The following ALX1 variants were observed in gnomAD, a reference collection of about 807,000 sequenced individuals.
The protein encoded by ALX1 is ALX homeobox 1.
In ALX1, 19 loss-of-function variants were observed where a neutral mutation model predicts 31.7. That is an observed-to-expected ratio of 0.60 (90% confidence interval 0.42 to 0.88). The LOEUF is 0.88. ALX1 is among the 40% of genes least tolerant of loss of function. The pLI is 0.00. For synonymous variants in ALX1, 153 were observed against 148.8 expected, an observed-to-expected ratio of 1.03 and a Z score of -0.20; for missense variants, 415 against 407.8, an observed-to-expected ratio of 1.02 and a Z score of -0.15.
chr12:85,290,514 C>G (rs1896804474), intron 3 of ALX1, among the ~76,000 whole-genome samples: 1 of 151,064 alleles, frequency 6.6e-6, no homozygotes, highest in Admixed American at 6.6e-5. Context: ...TTGACTGTTT[C>G]AAGATTTTTT....
intron 3 of ALX1, among the ~76,000 whole-genome samples, chr12:85,287,576 A>G (rs1440983065): frequency 3.3e-5 from 5 of 151,480 alleles, no homozygotes; most frequent in Non-Finnish European, 5.9e-5. Flanking sequence ...CAGATGAGTA[A>G]CAGCTTCCCT....
chr12:85,299,758 T>C (rs1012506810), intron 3 of ALX1, among the ~76,000 whole-genome samples: 6 of 151,904 alleles, frequency 3.9e-5, no homozygotes, highest in Admixed American at 6.6e-5. Context: ...TTTTTTGCTC[T>C]TATTTGAAAA....
chr12:85,285,519 A>G (rs1186249910), intron 2 of ALX1, among the ~76,000 whole-genome samples: 1 of 152,018 alleles, frequency 6.6e-6, no homozygotes, highest in Non-Finnish European at 1.5e-5. Flanking sequence ...GCAGTGTACT[A>G]AAACTATAAT....
intron 3 of ALX1, among the ~76,000 whole-genome samples, chr12:85,298,237 C>A (rs1394434536): frequency 6.6e-6 from 1 of 151,712 alleles, no homozygotes; most frequent in Non-Finnish European, 1.5e-5. Context: ...CTTGGGTGAT[C>A]TTCTTCAGCT....
rs1896712180 is a variant in ALX1, at chr12:85,283,764, C to T, written c.419C>T (p.Thr140Ile). The T allele has an allele frequency of 1.2e-6, 2 of 1,614,002 alleles. No individual in the cohort carries two copies. The highest frequency in any genetic ancestry group is 8.5e-7 in the Non-Finnish European group (1 of 1,180,016). The stretch of plus-strand genomic sequence containing the variant: ...AAACGGAGGCACCGAACCACCTTCA[C>T]CAGTTTGCAGCTAGAGGAGCTGGAG... Reference protein sequence around the residue: ...SKKRRHRTTFTSLQLEELEKV... With the variant: ...SKKRRHRTTFISLQLEELEKV... The change falls in exon 2 of 4, where the codon ACC becomes ATC. Residue 140 changes from threonine (T) to isoleucine (I), a missense_variant. Around this residue, in one of 3 missense-constraint regions of ALX1, gnomAD observed 235 missense variants for 208.9 expected, o/e 1.13. Coordinates refer to ENST00000316824, the MANE Select transcript of ALX1 (RefSeq NM_006982.3).
At position 85,280,304 on chromosome 12, in the gene ALX1, A is replaced by C. The variant is rs1210273098; in HGVS notation, c.43A>C (p.Ser15Arg). The change falls in exon 1 of 4, where the codon AGT (serine) becomes CGT (arginine). Residue 15 changes from serine (S) to arginine (R), a missense_variant. Transcript: ENST00000316824. Reference protein sequence around the residue: ...SEKFALKSPPSKNSDFYMGAG... With the variant: ...SEKFALKSPPRKNSDFYMGAG... The stretch of plus-strand genomic sequence containing the variant: ...GAAGTTTGCCCTCAAGAGCCCTCCG[A>C]GTAAAAACAGTGACTTTTACATGGG... The C allele has an allele frequency of 1.2e-6, 2 of 1,613,684 alleles. No individual in the cohort carries two copies. The highest frequency in any genetic ancestry group is 3.3e-5 in the Admixed American group (2 of 60,020).
At chr12:85,287,290 C>T (rs544912365) in intron 3 of ALX1, among the ~76,000 whole-genome samples, 6 of 151,674 alleles carry the variant, frequency 4.0e-5, no homozygotes, top group South Asian at 2.1e-4. Context: ...ATTCTAATTA[C>T]TCAGACTCTC....
At chr12:85,293,191 G>T (rs561420237) in intron 3 of ALX1, among the ~76,000 whole-genome samples, 1 of 149,452 alleles carries the variant, frequency 6.7e-6, no homozygotes, top group Non-Finnish European at 1.5e-5. Context: ...TTTTTGCAGC[G>T]AGTAAATATA....
At position 85,301,740 on chromosome 12, in the gene ALX1, A is replaced by G. The variant is rs920007493; in HGVS notation, c.*265A>G. On this transcript the variant is annotated 3_prime_UTR_variant, in exon 4 of 4. Transcript: ENST00000316824. ...TCTTTTTCTATTGTACAAGTCAATG[A>G]AATATGATCACGCAACTTATTAAAG... is the stretch of plus-strand genomic sequence containing the variant. The G allele has an allele frequency of 2.1e-6, 1 of 473,958 alleles. No individual in the cohort carries two copies. The highest frequency in any genetic ancestry group is 3.7e-6 in the Non-Finnish European group (1 of 268,136). 29.4% of individuals were successfully genotyped at this position (473,958 alleles called of 1,614,324 possible). A position where few individuals can be genotyped will look rare whatever the true frequency, so the allele number is the denominator to read the frequency against.
chr12:85,291,610 A>G (rs935955789), intron 3 of ALX1, among the ~76,000 whole-genome samples: 7 of 151,312 alleles, frequency 4.6e-5, no homozygotes, highest in African/African-American at 1.7e-4. Context: ...TTTGGATTAC[A>G]TGAGCATTGA....
chr12:85,288,455 T>G (rs979197804), intron 3 of ALX1, among the ~76,000 whole-genome samples: 1 of 151,516 alleles, frequency 6.6e-6, no homozygotes, highest in African/African-American at 2.4e-5. Context: ...GTTTGCCAAA[T>G]ATTTTTGAGT....
intron 1 of ALX1, among the ~76,000 whole-genome samples, chr12:85,282,336 T>A (rs930010821): frequency 3.3e-5 from 5 of 152,142 alleles, no homozygotes; most frequent in African/African-American, 1.2e-4. Context: ...AATGATTAAA[T>A]TACGTTAATT....
At chr12:85,290,765 A>G (rs1896807897) in intron 3 of ALX1, among the ~76,000 whole-genome samples, 1 of 150,990 alleles carries the variant, frequency 6.6e-6, no homozygotes, top group Non-Finnish European at 1.5e-5. Context: ...GCTTGGGATG[A>G]ATTTGTTTCC....
intron 1 of ALX1, among the ~76,000 whole-genome samples, chr12:85,282,569 AATT>A (rs1896690126): frequency 6.6e-6 from 1 of 152,188 alleles, no homozygotes; most frequent in South Asian, 2.1e-4. Flanking sequence ...ATCTATTGGA[AATT>A]ATTATTCTGG....
intron 2 of ALX1, 49 bp from the exon 3 acceptor site, chr12:85,286,804 T>C (rs915604756): frequency 1.3e-5 from 19 of 1,478,718 alleles, no homozygotes; most frequent in Non-Finnish European, 1.6e-5. Context: ...TCACATTTGC[T>C]TTATCAAATA....
intron 1 of ALX1, 93 bp from the exon 2 acceptor site, chr12:85,283,479 T>G: frequency 7.4e-7 from 1 of 1,349,916 alleles, no homozygotes; most frequent in Non-Finnish European, 1.1e-6. Flanking sequence ...AATAGGCCAA[T>G]TTCTTGATAC....
chr12:85,301,438 C>T lies in ALX1; in HGVS notation c.944C>T (p.Ala315Val). The T allele has an allele frequency of 7.4e-6, 12 of 1,614,036 alleles. No individual in the cohort carries two copies. Among genetic ancestry groups the T allele is most frequent in the Non-Finnish European group, 1.0e-5 (12 of 1,179,972 alleles). Residue 315 changes from alanine to valine, a missense_variant, in exon 4 of 4, where the codon GCC (alanine) becomes GTC (valine). This residue lies in a region of ALX1 where 174 missense variants were observed against 177.5 expected (regional missense o/e 0.98). Coordinates refer to ENST00000316824, the MANE Select transcript of ALX1 (RefSeq NM_006982.3). ...AGTATCGCAGTTCTTCGAATGAAAG[C>T]CAAGGAGCACACCGCCAATATTTCA... ...SSSIAVLRMK[A>V]KEHTANISWA...
At chr12:85,284,258 T>C (rs1317138689) in intron 2 of ALX1, among the ~76,000 whole-genome samples, 3 of 150,922 alleles carry the variant, frequency 2.0e-5, no homozygotes, top group Admixed American at 1.3e-4. Context: ...ACTAAGGTTC[T>C]TTTTTAGATT....
chr12:85,301,375 C>A lies in ALX1; in HGVS notation c.881C>A (p.Ala294Glu). ...SLLTGATNGH[A>E]FETKPEFERR... is the part of the protein sequence containing the mutation. ...CTTACTGGGGCAACCAATGGACATG[C>A]ATTTGAAACAAAGCCAGAGTTTGAA... The change falls in exon 4 of 4, where the codon GCA becomes GAA. Residue 294 changes from alanine to glutamate, a missense_variant. By Grantham distance (107) the Ala-to-Glu change is moderately radical. Around this residue, in one of 3 missense-constraint regions of ALX1, gnomAD observed 174 missense variants for 177.5 expected, o/e 0.98. Transcript: ENST00000316824. 10 of 1,614,046 alleles carry A rather than the reference C, an allele frequency of 6.2e-6. No individual in the cohort carries two copies. The highest frequency in any genetic ancestry group is 8.5e-6 in the Non-Finnish European group (10 of 1,179,956).
Sources: gnomAD v4.1 joint callset for allele counts (sites outside exome capture counted in the v4.1 genomes callset) on GRCh38, gnomAD v4.1.1 for gene constraint, gnomAD v4.1.1 regional missense constraint, MANE v1.5 for transcripts, NCBI Gene and HGNC (gene_info 2026-07-23, HGNC 2026-07-21) for gene names.